GPC5: variants seen among roughly 807,000 people sequenced by gnomAD.
GPC5 encodes the protein glypican 5.
Under a neutral mutation model 53.9 loss-of-function variants are expected in GPC5, and 47 were observed. The observed-to-expected ratio is 0.87, with a 90% CI of 0.69 to 1.11. The LOEUF (loss-of-function observed/expected upper bound fraction) is 1.11, where lower values mean the gene tolerates loss of function less well. Ranked by LOEUF, GPC5 falls within the 50% of genes most tolerant of loss-of-function variation. The pLI is 0.00. For synonymous variants in GPC5, 286 were observed against 263.3 expected, an observed-to-expected ratio of 1.09 and a Z score of -0.84; for missense variants, 748 against 713.1, an observed-to-expected ratio of 1.05 and a Z score of -0.56.
At chr13:92,526,608 A>G (rs1011272686) in intron 7 of GPC5, among the ~76,000 whole-genome samples, 2 of 152,014 alleles carry the variant, frequency 1.3e-5, no homozygotes, top group Non-Finnish European at 2.9e-5. Flanking sequence ...AGAAATGCAG[A>G]TGACCTAATC....
intron 7 of GPC5, among the ~76,000 whole-genome samples, chr13:92,494,171 G>A (rs1197805414): frequency 6.6e-6 from 1 of 151,904 alleles, no homozygotes; most frequent in Non-Finnish European, 1.5e-5. Flanking sequence ...CTCACTGCAA[G>A]CTCCGCCTCC....
chr13:92,393,534 A>G (rs1285961791), intron 7 of GPC5, among the ~76,000 whole-genome samples: 1 of 152,202 alleles, frequency 6.6e-6, no homozygotes. Context: ...CTGTAATCCC[A>G]GCTACTCAGG....
chr13:92,223,614 C>T (rs1172714401), intron 7 of GPC5, among the ~76,000 whole-genome samples: 1 of 151,638 alleles, frequency 6.6e-6, no homozygotes, highest in African/African-American at 2.4e-5. Context: ...GATGAAACCT[C>T]ATTGATTTTT....
intron 2 of GPC5, among the ~76,000 whole-genome samples, chr13:91,635,727 C>T (rs144516705): frequency 4.0e-4 from 61 of 152,114 alleles, no homozygotes; most frequent in African/African-American, 1.3e-3. Flanking sequence ...AATTGCCTAT[C>T]TTTTTTCTCC....
chr13:92,425,879 G>A (rs1876809798), intron 7 of GPC5, among the ~76,000 whole-genome samples: 1 of 151,750 alleles, frequency 6.6e-6, no homozygotes, highest in Admixed American at 6.6e-5. Flanking sequence ...TAGCATGTTA[G>A]GCAAACTATT....
intron 7 of GPC5, among the ~76,000 whole-genome samples, chr13:92,152,303 A>G (rs1281798607): frequency 1.3e-5 from 2 of 152,194 alleles, no homozygotes; most frequent in Non-Finnish European, 2.9e-5. Context: ...TTGAACAAGT[A>G]ACTTCTCTCC....
At chr13:92,017,248 C>T (rs923729726) in intron 6 of GPC5, among the ~76,000 whole-genome samples, 7 of 152,096 alleles carry the variant, frequency 4.6e-5, no homozygotes, top group Non-Finnish European at 7.4e-5. Flanking sequence ...TCTAGGACTT[C>T]CACTGACTTT....
In GPC5 at chr13:92,376,434, C is replaced by T. The variant is rs933452686; in HGVS notation, c.1561+231445C>T. On this transcript the variant is annotated intron_variant, in intron 7 of 7. Transcript: ENST00000377067. ...TTTTGAATGGGGATTTCAGCAGAAG[C>T]GAGAGAATCACTTTGTTTCCAAAGC... is the stretch of plus-strand genomic sequence containing the variant. 3.3e-5 allele frequency among the ~76,000 whole-genome samples: 5 copies of T among 152,098 alleles called. No individual in the cohort carries two copies. In the South Asian group the frequency reaches 6.2e-4, roughly 19 times the overall value.
chr13:91,506,907 A>G (rs1884974565), intron 2 of GPC5, among the ~76,000 whole-genome samples: 2 of 152,178 alleles, frequency 1.3e-5, no homozygotes, highest in African/African-American at 2.4e-5. Context: ...TAAAAACAAA[A>G]CATGCCAATG....
chr13:92,163,272 G>A (rs879683738), intron 7 of GPC5, among the ~76,000 whole-genome samples: 8 of 150,074 alleles, frequency 5.3e-5, no homozygotes, highest in Non-Finnish European at 1.0e-4. Context: ...GACTAGCCTG[G>A]CCGCATGGTG....
intron 2 of GPC5, among the ~76,000 whole-genome samples, chr13:91,483,817 C>T (rs1371162887): frequency 6.6e-6 from 1 of 152,164 alleles, no homozygotes; most frequent in African/African-American, 2.4e-5. Context: ...TGTTTTTTCT[C>T]ATCAACATTA....
At chr13:91,721,166 C>G (rs1000592993) in intron 3 of GPC5, among the ~76,000 whole-genome samples, 1 of 145,026 alleles carries the variant, frequency 6.9e-6, no homozygotes, top group Non-Finnish European at 1.5e-5. Context: ...CTGAGTTTCA[C>G]TCTTGTTGCC....
intron 2 of GPC5, among the ~76,000 whole-genome samples, chr13:91,541,691 T>C (rs2029938729): frequency 6.6e-6 from 1 of 152,088 alleles, no homozygotes; most frequent in African/African-American, 2.4e-5. Context: ...GTACTGGTCA[T>C]GGAAGAGATG....
rs897111678 is a variant in GPC5, at chr13:92,838,438, A to T, written c.1562-27844A>T. ...TCGGAGCGTGCAGTGAGTCGAGATC[A>T]CGCCACTGCACTCCAGCCTGGGCTA... On this transcript the variant is annotated intron_variant, in intron 7 of 7. Transcript: ENST00000377067. 1.0e-4 allele frequency among the ~76,000 whole-genome samples: 15 copies of T among 148,842 alleles called. No individual in the cohort carries two copies. The East Asian group carries it at 1.1e-3, about 11-fold the overall frequency.
At chr13:92,632,045 A>G (rs1326561184) in intron 7 of GPC5, among the ~76,000 whole-genome samples, 2 of 152,168 alleles carry the variant, frequency 1.3e-5, no homozygotes, top group African/African-American at 2.4e-5. Context: ...AGTTCCCTCT[A>G]GATAGACTAA....
intron 7 of GPC5, among the ~76,000 whole-genome samples, chr13:92,837,462 C>T (rs1432956378): frequency 6.6e-6 from 1 of 152,048 alleles, no homozygotes; most frequent in African/African-American, 2.4e-5. Context: ...TTAACTTGCC[C>T]TTTACTTGCA....
chr13:92,560,046 TTTTG>T (rs1192020442), intron 7 of GPC5, among the ~76,000 whole-genome samples: 1 of 151,794 alleles, frequency 6.6e-6, no homozygotes, highest in East Asian at 2.0e-4. Context: ...TTCCTGGCCT[TTTTG>T]TTTGTTATCC....
intron 7 of GPC5, among the ~76,000 whole-genome samples, chr13:92,823,341 G>C (rs1433451680): frequency 6.6e-6 from 1 of 151,886 alleles, no homozygotes; most frequent in East Asian, 1.9e-4. Context: ...AAAATGACTT[G>C]GGAAAATACA....
intron 2 of GPC5, among the ~76,000 whole-genome samples, chr13:91,485,368 A>G (rs556351150): frequency 6.6e-6 from 1 of 152,212 alleles, no homozygotes; most frequent in Admixed American, 6.5e-5. Context: ...GCATACCACC[A>G]TGCCCAGCTA....
Sources: gnomAD v4.1 joint callset for allele counts (sites outside exome capture counted in the v4.1 genomes callset) on GRCh38, gnomAD v4.1.1 for gene constraint, MANE v1.5 for transcripts, NCBI Gene and HGNC (gene_info 2026-07-23, HGNC 2026-07-21) for gene names.